Variants in NKAIN2 observed in about 807,000 individuals in gnomAD.
The protein encoded by NKAIN2 is sodium/potassium-transporting ATPase subunit beta-1-interacting protein 2.
Under a neutral mutation model 32.6 loss-of-function variants are expected in NKAIN2, and 14 were observed. That is an observed-to-expected ratio of 0.43 (90% CI 0.28 to 0.67). NKAIN2 has a LOEUF of 0.67. NKAIN2 is among the 30% of genes least tolerant of loss of function. The probability of loss-of-function intolerance (pLI) is 0.17; values close to 1 mark genes in which losing one functional copy is unlikely to be tolerated. For missense variants in NKAIN2, 198 were observed against 258.3 expected, an observed-to-expected ratio of 0.77 and a Z score of 1.60; for synonymous variants, 80 against 87.2, an observed-to-expected ratio of 0.92 and a Z score of 0.46.
chr6:123,825,807 A>C (rs2114900380), intron 1 of NKAIN2, among the ~76,000 whole-genome samples: 1 of 152,212 alleles, frequency 6.6e-6, no homozygotes, highest in Admixed American at 6.5e-5. Context: ...AAAAACCCTC[A>C]TGCAGCATTT....
At chr6:124,421,185 T>G (rs558497567) in intron 3 of NKAIN2, among the ~76,000 whole-genome samples, 18 of 152,204 alleles carry the variant, frequency 1.2e-4, no homozygotes, top group African/African-American at 4.3e-4. Context: ...GTAGGGTTTT[T>G]TCCACTTCTC....
At chr6:124,727,567 T>A (rs911123368) in intron 4 of NKAIN2, among the ~76,000 whole-genome samples, 2 of 151,686 alleles carry the variant, frequency 1.3e-5, no homozygotes, top group Non-Finnish European at 2.9e-5. Flanking sequence ...GTGCTAAACA[T>A]GGAAAGGAAC....
intron 3 of NKAIN2, among the ~76,000 whole-genome samples, chr6:124,501,248 T>C (rs1218665496): frequency 6.6e-6 from 1 of 152,126 alleles, no homozygotes; most frequent in Non-Finnish European, 1.5e-5. Context: ...TGACTTACTG[T>C]GGGAACTTGA....
rs569277282 is a variant in NKAIN2, at chr6:124,379,840, C to T, written c.273+24493C>T. Among the ~76,000 whole-genome samples the T allele has an allele frequency of 5.3e-5, 8 of 152,138 alleles. No homozygotes were observed. The South Asian group carries it at 1.7e-3, about 32-fold the overall frequency. On this transcript the variant is annotated intron_variant, in intron 3 of 6. Transcript: ENST00000368417. ...TATAGCCCCATTATCTTGTGCAATC[C>T]CAGTGTCCCTTACCTGAGTAATTTC... is the stretch of plus-strand genomic sequence containing the variant.
At chr6:124,549,651 G>A (rs969398109) in intron 3 of NKAIN2, among the ~76,000 whole-genome samples, 2 of 152,060 alleles carry the variant, frequency 1.3e-5, no homozygotes, top group African/African-American at 2.4e-5. Flanking sequence ...TTCTCTCCTC[G>A]AATCTGAGAC....
chr6:124,544,213 A>G (rs1013294869), intron 3 of NKAIN2, among the ~76,000 whole-genome samples: 2 of 152,068 alleles, frequency 1.3e-5, no homozygotes, highest in Non-Finnish European at 2.9e-5. Flanking sequence ...GGAGCCAATC[A>G]GCTCCAAATA....
At chr6:124,102,690 G>A (rs73563186) in intron 1 of NKAIN2, among the ~76,000 whole-genome samples, 4,301 of 152,162 alleles carry the variant, frequency 0.028, 205 homozygotes, top group African/African-American at 0.097. Context: ...GTGCTTCTTC[G>A]AAGAGCCCTT....
chr6:124,274,916 A>G (rs1794958884), intron 1 of NKAIN2, among the ~76,000 whole-genome samples: 2 of 152,134 alleles, frequency 1.3e-5, no homozygotes. Flanking sequence ...ACACATTTAT[A>G]AAACTTGGCA....
chr6:123,866,304 G>C (rs1772509131), intron 1 of NKAIN2, among the ~76,000 whole-genome samples: 1 of 152,022 alleles, frequency 6.6e-6, no homozygotes, highest in Non-Finnish European at 1.5e-5. Flanking sequence ...TCTTAAAAGA[G>C]TAATTACATT....
At chr6:124,158,915 T>G (rs972140828) in intron 1 of NKAIN2, among the ~76,000 whole-genome samples, 8 of 152,164 alleles carry the variant, frequency 5.3e-5, no homozygotes, top group African/African-American at 1.7e-4. Flanking sequence ...GAGACCTGAT[T>G]ATCTCCCAGC....
At chr6:124,401,979 T>A (rs1254979560) in intron 3 of NKAIN2, among the ~76,000 whole-genome samples, 7 of 152,188 alleles carry the variant, frequency 4.6e-5, no homozygotes, top group African/African-American at 1.7e-4. Context: ...TTCTTTATCC[T>A]AAATAATAAA....
At chr6:124,584,236 A>T (rs1162049013) in intron 3 of NKAIN2, among the ~76,000 whole-genome samples, 1 of 152,214 alleles carries the variant, frequency 6.6e-6, no homozygotes, top group Non-Finnish European at 1.5e-5. Flanking sequence ...ACATTTGCAA[A>T]CTACCCATCT....
chr6:124,219,532 C>T (rs1488588643), intron 1 of NKAIN2, among the ~76,000 whole-genome samples: 2 of 151,986 alleles, frequency 1.3e-5, no homozygotes, highest in African/African-American at 4.8e-5. Context: ...GCTGCCTAAG[C>T]CTCCCAAAGT....
chr6:124,401,706 T>C (rs1773633527), intron 3 of NKAIN2, among the ~76,000 whole-genome samples: 1 of 152,198 alleles, frequency 6.6e-6, no homozygotes, highest in African/African-American at 2.4e-5. Context: ...TTGTATATTT[T>C]TTGGCCATTT....
chr6:124,739,213 A>G (rs559508220), intron 4 of NKAIN2, among the ~76,000 whole-genome samples: 113 of 152,002 alleles, frequency 7.4e-4, no homozygotes, highest in African/African-American at 2.6e-3. Context: ...GGATTCTTTT[A>G]TAGGATCCAA....
chr6:124,706,665 A>C (rs1342449527), intron 4 of NKAIN2, among the ~76,000 whole-genome samples: 16 of 152,160 alleles, frequency 1.1e-4, no homozygotes, highest in Non-Finnish European at 2.2e-4. Flanking sequence ...CAGTATAAAT[A>C]AGTGGTCAAA....
intron 3 of NKAIN2, among the ~76,000 whole-genome samples, chr6:124,648,801 C>A (rs753642517): frequency 6.6e-5 from 10 of 152,006 alleles, no homozygotes; most frequent in African/African-American, 9.7e-5. Flanking sequence ...TGATGAAAAT[C>A]TACCCAAAAA....
intron 2 of NKAIN2, among the ~76,000 whole-genome samples, chr6:124,332,697 A>G (rs1376747633): frequency 8.5e-5 from 13 of 152,198 alleles, no homozygotes; most frequent in African/African-American, 2.2e-4. Context: ...TCACTCTACA[A>G]TCATTATTTC....
chr6:124,032,205 GA>G (rs529593923), intron 1 of NKAIN2, among the ~76,000 whole-genome samples: 13 of 138,128 alleles, frequency 9.4e-5, no homozygotes, highest in African/African-American at 3.5e-4. Flanking sequence ...GGTGGGAATT[GA>G]ACAATGAGAA....
Sources: gnomAD v4.1 joint callset for allele counts (sites outside exome capture counted in the v4.1 genomes callset) on GRCh38, gnomAD v4.1.1 for gene constraint, MANE v1.5 for transcripts, NCBI Gene and HGNC (gene_info 2026-07-23, HGNC 2026-07-21) for gene names.